C2: variants seen among roughly 807,000 people sequenced by gnomAD.
The protein encoded by C2 is complement C2.
A neutral mutation model predicts 85.2 loss-of-function variants in C2; 64 were observed. That is an observed-to-expected ratio of 0.75 (90% CI 0.61 to 0.92). C2 has a LOEUF of 0.92. Ranked by LOEUF, C2 falls within the 40% of genes least tolerant of loss-of-function variation. The pLI is 0.00. For missense variants in C2, 820 were observed against 971.6 expected (o/e 0.84, Z 2.07); for synonymous variants, 311 against 370.8 (o/e 0.84, Z 1.85).
chr6:31,944,678 C>A lies in C2; in HGVS notation c.1903-49C>A, dbSNP rs1056825373. 2 of 1,611,220 alleles carry A rather than the reference C, an allele frequency of 1.2e-6. No homozygotes were observed. The highest frequency in any genetic ancestry group is 1.7e-6 in the Non-Finnish European group (2 of 1,179,132). ...TTACAGGCGTGAGCCACTGCACCCA[C>A]CCGGGTCTGCTTATTCTACCCTTCT... On this transcript the variant is annotated intron_variant, in intron 15 of 17. Transcript: ENST00000299367. The surrounding 1 kb of genome is among the most constrained non-coding windows in gnomAD (Gnocchi z 5.1).
At chr6:31,909,674 G>C (rs999699918) in intron 1 of C2, among the ~76,000 whole-genome samples, 11 of 150,398 alleles carry the variant, frequency 7.3e-5, no homozygotes, top group Non-Finnish European at 1.5e-4. Context: ...AGGCTCAAGC[G>C]ATCCTCCAGC....
upstream of C2, among the ~76,000 whole-genome samples, chr6:31,925,833 C>T (rs557995320): frequency 6.6e-6 from 1 of 152,136 alleles, no homozygotes; most frequent in Non-Finnish European, 1.5e-5. Context: ...AAATACCCCC[C>T]ACCTTTACGA....
intron 1 of C2, among the ~76,000 whole-genome samples, chr6:31,912,754 C>T (rs1372061379): frequency 6.6e-6 from 1 of 151,290 alleles, no homozygotes; most frequent in Non-Finnish European, 1.5e-5. Context: ...GCAGGAGAAT[C>T]GCTTGAACCT....
At chr6:31,909,107 A>G (rs899634696) in intron 1 of C2, among the ~76,000 whole-genome samples, 2 of 151,912 alleles carry the variant, frequency 1.3e-5, no homozygotes, top group Non-Finnish European at 2.9e-5. Flanking sequence ...CATACTGTAC[A>G]TGTTCTGGGG....
At chr6:31,916,869 C>CAAAAAAAAA (rs9257073), upstream of C2, among the ~76,000 whole-genome samples, 1 of 78,882 alleles carries the variant, frequency 1.3e-5, no homozygotes, top group Non-Finnish European at 2.3e-5. Flanking sequence ...TCCATCTCAA[C>CAAAAAAAAA]AAAAAAAAAA....
chr6:31,901,733 C>T, intron 1 of C2: 1 of 199,064 alleles, frequency 5.0e-6, no homozygotes, highest in Non-Finnish European at 1.0e-5. Context: ...TTTTCACGTC[C>T]TCCCCCCCGC....
intron 1 of C2, among the ~76,000 whole-genome samples, chr6:31,906,242 A>G (rs1767704042): frequency 6.6e-6 from 1 of 151,976 alleles, no homozygotes; most frequent in Admixed American, 6.6e-5. Context: ...GAAAGAAGCC[A>G]TGTGAAAACA....
intron 1 of C2, among the ~76,000 whole-genome samples, chr6:31,913,030 C>CAAAAAAAAAA (rs34465217): frequency 1.4e-5 from 1 of 70,552 alleles, no homozygotes; most frequent in African/African-American, 5.2e-5. Flanking sequence ...CCTGTTTCCA[C>CAAAAAAAAAA]AAAAAAAAAA....
intron 7 of C2, 65 bp from the exon 8 acceptor site, chr6:31,937,254 A>T (rs1251328039): frequency 2.0e-5 from 30 of 1,522,390 alleles, no homozygotes; most frequent in Non-Finnish European, 2.4e-5. Flanking sequence ...GAATAGAGTG[A>T]TTCCCTACCC....
intron 3 of C2, among the ~76,000 whole-genome samples, chr6:31,931,920 GCGC>G (rs1769806655): frequency 6.6e-5 from 5 of 75,778 alleles, no homozygotes; most frequent in South Asian, 4.3e-4. Context: ...CTCCCGGACG[GCGC>G]GGCTGGCCGG....
intron 7 of C2, chr6:31,936,425 G>A: frequency 3.1e-6 from 1 of 319,234 alleles, no homozygotes. Flanking sequence ...AGCCACTCAA[G>A]GTTTTGGAAA....
upstream of C2, among the ~76,000 whole-genome samples, chr6:31,916,855 A>G: frequency 9.4e-6 from 1 of 106,142 alleles, no homozygotes. Flanking sequence ...TGACAGGGCG[A>G]GACTCCATCT....
chr6:31,928,609 T>A (rs925923762), intron 2 of C2, 123 bp from the exon 3 acceptor site: 8 of 932,978 alleles, frequency 8.6e-6, no homozygotes, highest in Non-Finnish European at 1.3e-5. Flanking sequence ...AACCTAATAT[T>A]TCAGTGTTTT....
chr6:31,899,069 G>GA (rs750497811), upstream of C2, among the ~76,000 whole-genome samples: 3,495 of 146,126 alleles, frequency 0.024, 58 homozygotes, highest in Non-Finnish European at 0.04. Flanking sequence ...GAGTGTAAAG[G>GA]AAAAAAAAAA....
intron 1 of C2, among the ~76,000 whole-genome samples, chr6:31,907,088 T>A (rs1322277929): frequency 1.3e-5 from 2 of 150,832 alleles, no homozygotes; most frequent in Non-Finnish European, 2.9e-5. Flanking sequence ...TGCAGTGAGT[T>A]GAGATCACGC....
At chr6:31,932,693 T>A (rs1174191888) in intron 3 of C2, among the ~76,000 whole-genome samples, 1 of 151,530 alleles carries the variant, frequency 6.6e-6, no homozygotes, top group Non-Finnish European at 1.5e-5. Flanking sequence ...GCGGAGACGC[T>A]CCTCACTTCC....
In C2 at chr6:31,920,137, G is replaced by A. The variant is rs1562571512; in HGVS notation, c.-100+111G>A. 1 of 152,546 alleles carries A rather than the reference G, an allele frequency of 6.6e-6. No homozygotes were observed. The highest frequency in any genetic ancestry group is 2.4e-5 in the African/African-American group (1 of 41,462). 9.4% of individuals were successfully genotyped at this position (152,546 alleles called of 1,614,324 possible). A position where few individuals can be genotyped will look rare whatever the true frequency, so the allele number is the denominator to read the frequency against. On this transcript the variant is annotated intron_variant, in intron 1 of 3. Transcript: ENST00000413154. The surrounding 1 kb of genome is among the most constrained non-coding windows in gnomAD (Gnocchi z 5.6). ...ATACCACACTGGGGCTGGGGCCAGA[G>A]ACGGGGCAGGAGGAGCTCTTCTCAG...
intron 3 of C2, chr6:31,932,203 C>T (rs1288328499): frequency 5.4e-5 from 8 of 147,052 alleles, no homozygotes; most frequent in East Asian, 2.1e-4. Flanking sequence ...CGGGCAGAGG[C>T]GCCCCTCACT....
intron 6 of C2, 83 bp downstream of exon 6, chr6:31,934,382 C>G: frequency 6.4e-7 from 1 of 1,561,272 alleles, no homozygotes; most frequent in Non-Finnish European, 8.8e-7. Context: ...CTCAGAACCC[C>G]ACTCACAGCC....
Sources: gnomAD v4.1 joint callset for allele counts (sites outside exome capture counted in the v4.1 genomes callset) on GRCh38, gnomAD v4.1.1 for gene constraint, Gnocchi (gnomAD v3.1) non-coding constraint, MANE v1.5 for transcripts, NCBI Gene and HGNC (gene_info 2026-07-23, HGNC 2026-07-21) for gene names.